The following REELD1 variants were observed in gnomAD, a reference collection of about 807,000 sequenced individuals.
The protein encoded by REELD1 is reeler domain containing 1.
Under a neutral mutation model 6.3 loss-of-function variants are expected in REELD1, and 12 were observed. That is an observed-to-expected ratio of 1.89 (90% confidence interval 1.21 to 3.07). The LOEUF (loss-of-function observed/expected upper bound fraction) is 3.07, where lower values mean the gene tolerates loss of function less well. Ranked by LOEUF, REELD1 falls within the 30% of genes most tolerant of loss-of-function variation. REELD1 has a pLI of 0.00. For synonymous variants in REELD1, 57 were observed against 33.6 expected (o/e 1.70, Z -2.42); for missense variants, 163 against 86.8 (o/e 1.88, Z -3.49).
At position 146,230,372 on chromosome 4, in the gene REELD1, G is replaced by A. The variant is rs963736014; in HGVS notation, c.1440G>A (p.Glu480=). Residue 480 remains glutamate (E), a synonymous_variant, in exon 8 of 8, where the codon GAG becomes GAA. Transcript: ENST00000623665. ...CHQQTEVSFS[E]PASDAVARSN... Reference sequence around the variant, plus strand: ...AGCAGACAGAAGTGTCTTTCAGTGAGCCCGCTTCGGATGCTGTTGCCAGGA... The same window carrying A: ...AGCAGACAGAAGTGTCTTTCAGTGAACCCGCTTCGGATGCTGTTGCCAGGA... The A allele has an allele frequency of 5.8e-5, 23 of 398,694 alleles. No homozygotes were observed. Among genetic ancestry groups the A allele is most frequent in the Middle Eastern group, 6.2e-4 (1 of 1,610 alleles). The allele number at this position is 398,694 out of a possible 1,614,324, so 24.7% of individuals were successfully genotyped here. A position where few individuals can be genotyped will look rare whatever the true frequency, so the allele number is the denominator to read the frequency against.
Position 146,226,720 on chromosome 4 carries a change from A to G in REELD1, c.596-1490A>G, listed in dbSNP as rs1731030149. Among the ~76,000 whole-genome samples, 4 of 152,222 alleles carry G rather than the reference A, an allele frequency of 2.6e-5. No homozygotes were observed. The South Asian group carries it at 8.3e-4, about 31-fold the overall frequency. On this transcript the variant is annotated intron_variant, in intron 5 of 7. Transcript: ENST00000623665. ...AACATATGAATTTTGAGGGGGGCACATTAAGACCATAGCGGCAAATATAAT... is the reference window on the plus strand; with the variant it reads ...AACATATGAATTTTGAGGGGGGCACGTTAAGACCATAGCGGCAAATATAAT...
intron 3 of REELD1, among the ~76,000 whole-genome samples, chr4:146,221,475 T>C (rs947537285): frequency 6.6e-6 from 1 of 152,246 alleles, no homozygotes; most frequent in African/African-American, 2.4e-5. Context: ...AGTTTTTCCA[T>C]AGTCTTATCA....
chr4:146,223,729 C>G, intron 4 of REELD1, among the ~76,000 whole-genome samples: 1 of 152,352 alleles, frequency 6.6e-6, no homozygotes, highest in Admixed American at 6.5e-5. Flanking sequence ...GGAACGCTTG[C>G]GCACGATAAT....
At position 146,231,868 on chromosome 4, in the gene REELD1, C is replaced by G. The variant is rs1247588403; in HGVS notation, c.*1355C>G. The G allele has an allele frequency of 6.6e-6, 1 of 152,220 alleles. No homozygotes were observed. Among genetic ancestry groups the G allele is most frequent in the Middle Eastern group, 3.2e-3 (1 of 316 alleles). The allele number at this position is 152,220 out of a possible 1,614,324, so 9.4% of individuals were successfully genotyped here. On this transcript the variant is annotated 3_prime_UTR_variant, in exon 8 of 8. Coordinates refer to ENST00000623665, the MANE Select transcript of REELD1 (RefSeq NM_001354631.1). ...CATTGGTCATCAATTCCAAGACTCTCTCCTCCTGGATTCTGGGCTAGGTAG... is the reference window on the plus strand; with the variant it reads ...CATTGGTCATCAATTCCAAGACTCTGTCCTCCTGGATTCTGGGCTAGGTAG...
At chr4:146,220,606 A>G (rs1730907515) in intron 3 of REELD1, among the ~76,000 whole-genome samples, 1 of 152,204 alleles carries the variant, frequency 6.6e-6, no homozygotes, top group Non-Finnish European at 1.5e-5. Context: ...TTCCTTTGAC[A>G]TCGCACAGTT....
chr4:146,215,650 C>CTTTTTTT (rs1465971692), intron 2 of REELD1, among the ~76,000 whole-genome samples: 5 of 78,514 alleles, frequency 6.4e-5, no homozygotes, highest in African/African-American at 2.7e-4. Context: ...CAGGGGAGGG[C>CTTTTTTT]ATTTTTTTTT....
Position 146,215,781 on chromosome 4 carries a change from C to T in REELD1, c.-12+583C>T, listed in dbSNP as rs557387013. On this transcript the variant is annotated intron_variant, in intron 2 of 7. Coordinates refer to ENST00000623665, the MANE Select transcript of REELD1 (RefSeq NM_001354631.1). ...TTTTTTTTTTTTTGAGATAGAGTCT[C>T]GCTCTTTTGCCCAGGCTGGAGTGCA... Among the ~76,000 whole-genome samples, 21 of 145,698 alleles carry T rather than the reference C, an allele frequency of 1.4e-4. No homozygotes were observed. In the South Asian group the frequency reaches 3.9e-3, roughly 27 times the overall value.
chr4:146,222,599 T>G lies in REELD1; in HGVS notation c.431+20T>G. ...GTTCCTGTAAGAGAGTGAAGTGCTG[T>G]TTCTTAGAAACTGAGCCTTCTACTT... On this transcript the variant is annotated intron_variant, in intron 4 of 7. Coordinates refer to ENST00000623665, the MANE Select transcript of REELD1 (RefSeq NM_001354631.1). 1 of 398,588 alleles carries G rather than the reference T, an allele frequency of 2.5e-6. No individual in the cohort carries two copies. The highest frequency in any genetic ancestry group is 1.3e-4 in the South Asian group (1 of 7,824). 24.7% of individuals were successfully genotyped at this position (398,588 alleles called of 1,614,324 possible).
At chr4:146,228,607 G>GATC (rs1176405160) in intron 6 of REELD1, 85 bp downstream of exon 6, 1 of 608,980 alleles carries the variant, frequency 1.6e-6, no homozygotes, top group Non-Finnish European at 2.9e-6. Context: ...TGACAAAAAA[G>GATC]ATCTCAGCCA....
In REELD1 at chr4:146,230,795, C is replaced by T. The variant is rs1366840198; in HGVS notation, c.*282C>T. 4.2e-5 allele frequency: 10 copies of T among 239,220 alleles called. No individual in the cohort carries two copies. Among genetic ancestry groups the T allele is most frequent in the Admixed American group, 2.3e-4 (4 of 17,706 alleles). 14.8% of individuals were successfully genotyped at this position (239,220 alleles called of 1,614,324 possible). A position where few individuals can be genotyped will look rare whatever the true frequency, so the allele number is the denominator to read the frequency against. On this transcript the variant is annotated 3_prime_UTR_variant, in exon 8 of 8. Coordinates refer to ENST00000623665, the MANE Select transcript of REELD1 (RefSeq NM_001354631.1). ...TCAACACAATGAATATTGTATAACC[C>T]GCTCATTAACTAGACCCCTGTGGCC...
At chr4:146,228,059 T>C in intron 5 of REELD1, 151 bp from the exon 6 acceptor site, 1 of 603,196 alleles carries the variant, frequency 1.7e-6, no homozygotes, top group Non-Finnish European at 3.0e-6. Context: ...GTCATCTTTA[T>C]GCTGACACTT....
chr4:146,226,977 T>C (rs1731034587), intron 5 of REELD1, among the ~76,000 whole-genome samples: 1 of 152,222 alleles, frequency 6.6e-6, no homozygotes. Context: ...TTCCCCACGT[T>C]GGCCAGGCTG....
chr4:146,232,045 A>G lies in REELD1; in HGVS notation c.*1532A>G, dbSNP rs1731140975. ...ATCCCTTCTGTATGTCTAGCCCTCT[A>G]AAAGACGTTCTCCCCAAGAAGCAAA... On this transcript the variant is annotated 3_prime_UTR_variant, in exon 8 of 8. Transcript: ENST00000623665. 6.6e-6 allele frequency: 1 copy of G among 152,246 alleles called. No individual in the cohort carries two copies. 9.4% of individuals were successfully genotyped at this position (152,246 alleles called of 1,614,324 possible).
chr4:146,228,523 G>C lies in REELD1; in HGVS notation c.908+1G>C, dbSNP rs1028017761. ...CTTCCAGCCTTAGCACCCATCACAG[G>C]TAAGGGTGATGGGTGGGCCATTCAG... On this transcript the variant is annotated splice_donor_variant, in intron 6 of 7. Coordinates refer to ENST00000623665, the MANE Select transcript of REELD1 (RefSeq NM_001354631.1). LOFTEE classifies it high-confidence loss of function. 1 of 700,718 alleles carries C rather than the reference G, an allele frequency of 1.4e-6. No homozygotes were observed. Among genetic ancestry groups the C allele is most frequent in the Non-Finnish European group, 2.6e-6 (1 of 383,958 alleles). The allele number at this position is 700,718 out of a possible 1,614,324, so 43.4% of individuals were successfully genotyped here. A position where few individuals can be genotyped will look rare whatever the true frequency, so the allele number is the denominator to read the frequency against.
chr4:146,229,585 A>G (rs1427081616), intron 7 of REELD1, among the ~76,000 whole-genome samples: 3 of 152,202 alleles, frequency 2.0e-5, no homozygotes, highest in Non-Finnish European at 4.4e-5. Context: ...GACACACTCA[A>G]ATCTCTCAGC....
chr4:146,222,295 A>G lies in REELD1; in HGVS notation c.209-62A>G, dbSNP rs370391505. On this transcript the variant is annotated intron_variant, in intron 3 of 7. Coordinates refer to ENST00000623665, the MANE Select transcript of REELD1 (RefSeq NM_001354631.1). ...AGCTTTTAGTTTTGAAAAAAGCTGC[A>G]TAAAATCACCACACGGAACTAAGTC... is the stretch of plus-strand genomic sequence containing the variant. 79 of 398,304 alleles carry G rather than the reference A, an allele frequency of 2.0e-4. No individual in the cohort carries two copies. The East Asian group carries it at 2.4e-3, about 12-fold the overall frequency. The allele number at this position is 398,304 out of a possible 1,614,324, so 24.7% of individuals were successfully genotyped here.
At chr4:146,223,587 A>G (rs544642882) in intron 4 of REELD1, among the ~76,000 whole-genome samples, 1 of 152,148 alleles carries the variant, frequency 6.6e-6, no homozygotes, top group African/African-American at 2.4e-5. Flanking sequence ...CTATTTTTGG[A>G]TGTACCATCA....
In REELD1 at chr4:146,229,931, C is replaced by T. The variant is rs114405410; in HGVS notation, c.999C>T (p.Thr333=). 9.0e-4 allele frequency: 357 copies of T among 398,670 alleles called. No individual in the cohort carries two copies. The highest frequency in any genetic ancestry group is 6.3e-3 in the African/African-American group (307 of 48,742). 24.7% of individuals were successfully genotyped at this position (398,670 alleles called of 1,614,324 possible). A position where few individuals can be genotyped will look rare whatever the true frequency, so the allele number is the denominator to read the frequency against. ...EQDKTKASNR[T]VTQPPLSTVQ... ...ACAAGACGAAGGCCTCTAACAGGAC[C>T]GTGACACAGCCTCCTCTGTCCACCG... The change falls in exon 8 of 8, where the codon ACC becomes ACT. Residue 333 remains threonine (T), a synonymous_variant. Coordinates refer to ENST00000623665, the MANE Select transcript of REELD1 (RefSeq NM_001354631.1).
intron 3 of REELD1, among the ~76,000 whole-genome samples, chr4:146,220,827 C>T (rs535087826): frequency 6.6e-6 from 1 of 152,350 alleles, no homozygotes; most frequent in East Asian, 1.9e-4. Context: ...AGAGGCCTAA[C>T]TTCCCCGAAG....
Sources: gnomAD v4.1 joint callset for allele counts (sites outside exome capture counted in the v4.1 genomes callset) on GRCh38, gnomAD v4.1.1 for gene constraint, MANE v1.5 for transcripts, NCBI Gene and HGNC (gene_info 2026-07-23, HGNC 2026-07-21) for gene names.